NFATC3: variants seen among roughly 807,000 people sequenced by gnomAD.
NFATC3 encodes nuclear factor of activated T cells 3.
In NFATC3, 46 loss-of-function variants were observed where a neutral mutation model predicts 98.6. That is an observed-to-expected ratio of 0.47 (90% CI 0.37 to 0.60). The LOEUF (loss-of-function observed/expected upper bound fraction) is 0.60. NFATC3 is among the 20% of genes least tolerant of loss of function. The probability of loss-of-function intolerance (pLI) is 0.00; values close to 1 mark genes in which losing one functional copy is unlikely to be tolerated. For synonymous variants in NFATC3, 512 were observed against 472.2 expected (o/e 1.08, Z -1.09); for missense variants, 1,256 against 1,295.5 (o/e 0.97, Z 0.47).
chr16:68,202,370 A>G (rs1051370981), intron 9 of NFATC3, among the ~76,000 whole-genome samples: 17 of 152,308 alleles, frequency 1.1e-4, no homozygotes, highest in African/African-American at 4.1e-4. Context: ...GGTGCTTTTT[A>G]AAATCAAGGG....
chr16:68,164,246 A>T (rs1435905959), intron 4 of NFATC3, among the ~76,000 whole-genome samples: 2 of 152,248 alleles, frequency 1.3e-5, no homozygotes, highest in African/African-American at 4.8e-5. Flanking sequence ...CCAAAAAAAT[A>T]CGAAAACCAG....
intron 5 of NFATC3, among the ~76,000 whole-genome samples, chr16:68,171,977 C>T (rs536600149): frequency 5.3e-5 from 8 of 151,532 alleles, no homozygotes; most frequent in East Asian, 2.0e-4. Context: ...TTAGTAGAGA[C>T]GGGTTTTCAC....
Position 68,085,732 on chromosome 16 carries a change from C to A in NFATC3, c.51C>A (p.Val17=). 1 of 1,512,042 alleles carries A rather than the reference C, an allele frequency of 6.6e-7. No individual in the cohort carries two copies. The highest frequency in any genetic ancestry group is 8.8e-7 in the Non-Finnish European group (1 of 1,132,514). 93.7% of individuals were successfully genotyped at this position (1,512,042 alleles called of 1,614,324 possible). Residue 17 remains valine (V), a synonymous_variant, in exon 1 of 10, where the codon GTC becomes GTA. Coordinates refer to ENST00000346183, the MANE Select transcript of NFATC3 (RefSeq NM_173165.3). ...ACGACGAGCTCGACTTCAAACTCGTCTTTGGCGAGGACGGGGCGCCGGCGC... is the reference window on the plus strand; with the variant it reads ...ACGACGAGCTCGACTTCAAACTCGTATTTGGCGAGGACGGGGCGCCGGCGC... ...GAHDELDFKL[V]FGEDGAPAPP...
intron 6 of NFATC3, among the ~76,000 whole-genome samples, chr16:68,175,123 A>G (rs952506449): frequency 3.3e-5 from 5 of 152,266 alleles, no homozygotes; most frequent in Admixed American, 3.3e-4. Flanking sequence ...TACATGCTAC[A>G]GCATGGATAA....
chr16:68,086,132 A>G (rs2034359815), intron 1 of NFATC3, among the ~76,000 whole-genome samples: 1 of 152,146 alleles, frequency 6.6e-6, no homozygotes. Context: ...GTGAATTGTT[A>G]GCGCACTGGG....
At chr16:68,101,224 C>T (rs1029153317) in intron 1 of NFATC3, among the ~76,000 whole-genome samples, 1 of 151,166 alleles carries the variant, frequency 6.6e-6, no homozygotes, top group African/African-American at 2.4e-5. Context: ...CTCGCTGCAG[C>T]ATCAACCTCC....
At chr16:68,107,215 A>G (rs1451699586) in intron 1 of NFATC3, among the ~76,000 whole-genome samples, 1 of 152,202 alleles carries the variant, frequency 6.6e-6, no homozygotes, top group Non-Finnish European at 1.5e-5. Flanking sequence ...ATACACATGC[A>G]TGTATCTTTA....
At chr16:68,146,440 T>A (rs998283861) in intron 3 of NFATC3, among the ~76,000 whole-genome samples, 1 of 152,158 alleles carries the variant, frequency 6.6e-6, no homozygotes, top group African/African-American at 2.4e-5. Context: ...TTTAAAAAGC[T>A]TATATATTAT....
rs563059214 is a variant in NFATC3 at position 68,087,527 on chromosome 16, C to T, written c.103+1743C>T. Among the ~76,000 whole-genome samples the T allele has an allele frequency of 2.6e-5, 4 of 152,194 alleles. No homozygotes were observed. The South Asian group carries it at 8.3e-4, about 32-fold the overall frequency. ...AAAGTCCACTTTAAAATATTTTAAG[C>T]AGGTAATTTTTTTTAAAGTTTTTTT... On this transcript the variant is annotated intron_variant, in intron 1 of 9. Transcript: ENST00000346183.
intron 6 of NFATC3, among the ~76,000 whole-genome samples, chr16:68,178,519 G>T (rs2039817320): frequency 6.6e-6 from 1 of 152,218 alleles, no homozygotes; most frequent in African/African-American, 2.4e-5. Context: ...CAGGTTGTGT[G>T]CTCTGATAGA....
chr16:68,098,859 C>T (rs935265573), intron 1 of NFATC3, among the ~76,000 whole-genome samples: 1 of 151,990 alleles, frequency 6.6e-6, no homozygotes, highest in Non-Finnish European at 1.5e-5. Flanking sequence ...AAGCTTTTTA[C>T]CCATTTAAAA....
chr16:68,213,985 G>C (rs928535216), intron 9 of NFATC3, among the ~76,000 whole-genome samples: 1 of 152,110 alleles, frequency 6.6e-6, no homozygotes, highest in Non-Finnish European at 1.5e-5. Context: ...TTTTGATGTA[G>C]CCTTAGCCAA....
chr16:68,116,172 CT>C (rs1211069066), intron 1 of NFATC3, among the ~76,000 whole-genome samples: 1 of 151,774 alleles, frequency 6.6e-6, no homozygotes, highest in African/African-American at 2.4e-5. Context: ...TGAATCATAA[CT>C]TTTTTTTGTC....
At chr16:68,225,533 AC>A (rs1426005350) in intron 9 of NFATC3, 1 of 152,062 alleles carries the variant, frequency 6.6e-6, no homozygotes, top group Admixed American at 6.5e-5. Flanking sequence ...GAGACAACTT[AC>A]GTTTATCCAT....
At chr16:68,110,331 C>T (rs1297175094) in intron 1 of NFATC3, among the ~76,000 whole-genome samples, 4 of 125,906 alleles carry the variant, frequency 3.2e-5, no homozygotes, top group Admixed American at 8.8e-5. Context: ...TTTTTCGAGA[C>T]GAAGTCTCGC....
intron 6 of NFATC3, among the ~76,000 whole-genome samples, chr16:68,176,009 C>T (rs909729425): frequency 3.3e-5 from 5 of 151,648 alleles, no homozygotes; most frequent in East Asian, 1.9e-4. Flanking sequence ...GACGGAGCCT[C>T]GCTCTGTTAC....
Position 68,190,755 on chromosome 16 carries a change from A to G in NFATC3, c.2099-13A>G. 6.3e-7 allele frequency: 1 copy of G among 1,582,918 alleles called. No individual in the cohort carries two copies. Among genetic ancestry groups the G allele is most frequent in the Non-Finnish European group, 8.6e-7 (1 of 1,164,754 alleles). On this transcript the variant is annotated splice_polypyrimidine_tract_variant and intron_variant, in intron 8 of 9. Transcript: ENST00000346183. ...TTGTATAATAATATTTGCTTTAATC[A>G]TTTTCTTTTCAGTTTTGATGAAGCA...
In NFATC3 at chr16:68,123,189, T is replaced by TTTGTA. The variant is rs1255229103; in HGVS notation, c.1238+69_1238+70insTGTAT. ...GGGTCATTGGTGGCATATAACTACA[T>TTTGTA]TATCAGTATATAATGGTTATATAAT... is the stretch of plus-strand genomic sequence containing the variant. On this transcript the variant is annotated intron_variant, in intron 2 of 9. Transcript: ENST00000346183. The TTTGTA allele has an allele frequency of 6.5e-5, 96 of 1,480,982 alleles. No individual in the cohort carries two copies. In the Middle Eastern group the frequency reaches 7.2e-4, roughly 11 times the overall value. 91.7% of individuals were successfully genotyped at this position (1,480,982 alleles called of 1,614,324 possible).
chr16:68,186,369 C>A (rs2040201272), intron 8 of NFATC3, among the ~76,000 whole-genome samples: 1 of 151,990 alleles, frequency 6.6e-6, no homozygotes, highest in African/African-American at 2.4e-5. Flanking sequence ...GAAACCCTGT[C>A]TCTACTAAAA....
Sources: allele counts gnomAD v4.1 joint callset (sites outside exome capture counted in the v4.1 genomes callset), GRCh38; gene constraint gnomAD v4.1.1; transcripts MANE v1.5; gene names NCBI Gene and HGNC (gene_info 2026-07-23, HGNC 2026-07-21).